Variants in POLQ observed in about 807,000 individuals in gnomAD.
The protein encoded by POLQ is epididymis secretory sperm binding protein.
A neutral mutation model predicts 259.2 loss-of-function variants in POLQ; 233 were observed. That is an observed-to-expected ratio of 0.90 (90% confidence interval 0.81 to 1.00). The LOEUF (loss-of-function observed/expected upper bound fraction) is 1.00. Ranked by LOEUF, POLQ falls within the 50% of genes least tolerant of loss-of-function variation. The pLI, the probability that POLQ is intolerant of heterozygous loss-of-function variation, is 0.00. For missense variants in POLQ, 2,871 were observed against 3,051.6 expected, an observed-to-expected ratio of 0.94 and a Z score of 1.39; for synonymous variants, 1,025 against 1,048.8, an observed-to-expected ratio of 0.98 and a Z score of 0.44.
At chr3:121,519,784 G>A (rs1412459940) in intron 9 of POLQ, 87 bp downstream of exon 9, 1 of 756,140 alleles carries the variant, frequency 1.3e-6, no homozygotes, top group Non-Finnish European at 2.4e-6. Flanking sequence ...ACAGCATGAT[G>A]AGAAACAGGT....
rs189888176 is a variant in POLQ at position 121,448,029 on chromosome 3, C to A, written c.7264+1286G>T. Among the ~76,000 whole-genome samples, 28 of 152,242 alleles carry A rather than the reference C, an allele frequency of 1.8e-4. No individual in the cohort carries two copies. In the East Asian group the frequency reaches 4.8e-3, roughly 26 times the overall value. On this transcript the variant is annotated intron_variant, in intron 26 of 29. Coordinates refer to ENST00000264233, the MANE Select transcript of POLQ (RefSeq NM_199420.4). ...TCTTTGGGTTAAATCTGTTCTATAA[C>A]TTTCTTTTACTTGAATATTGATATC... is the stretch of plus-strand genomic sequence containing the variant.
intron 26 of POLQ, among the ~76,000 whole-genome samples, chr3:121,443,700 A>G (rs928276213): frequency 7.9e-5 from 12 of 151,862 alleles, no homozygotes; most frequent in Admixed American, 7.9e-4. Context: ...AGTTTCCCCC[A>G]TGTTTTCTTG....
At chr3:121,540,838 C>T (rs777643856) in intron 3 of POLQ, among the ~76,000 whole-genome samples, 2 of 151,980 alleles carry the variant, frequency 1.3e-5, no homozygotes, top group Non-Finnish European at 2.9e-5. Flanking sequence ...GATTTGATGG[C>T]CCCTTCTCCT....
chr3:121,485,480 C>T (rs1006128104), intron 16 of POLQ, among the ~76,000 whole-genome samples: 3 of 152,140 alleles, frequency 2.0e-5, no homozygotes, highest in Non-Finnish European at 4.4e-5. Context: ...AAATACAGAT[C>T]ATTTGCATAC....
intron 16 of POLQ, among the ~76,000 whole-genome samples, chr3:121,486,737 C>T (rs2048014650): frequency 6.6e-6 from 1 of 151,796 alleles, no homozygotes; most frequent in South Asian, 2.1e-4. Flanking sequence ...GGTGCACATG[C>T]CTGTACTTCT....
intron 24 of POLQ, among the ~76,000 whole-genome samples, chr3:121,463,018 T>C (rs1286592857): frequency 2.6e-5 from 4 of 152,246 alleles, no homozygotes; most frequent in Admixed American, 1.3e-4. Flanking sequence ...ATTGTGGCTT[T>C]GTAGAATGCA....
rs1321971093 is a variant in POLQ, at chr3:121,467,598, C to G, written c.6888G>C (p.Gln2296His). Residue 2296 changes from glutamine to histidine, a missense_variant, in exon 24 of 30, where the codon CAG becomes CAC. Physicochemically the swap from Gln to His is conservative, Grantham distance 24. Coordinates refer to ENST00000264233, the MANE Select transcript of POLQ (RefSeq NM_199420.4). The stretch of plus-strand genomic sequence containing the variant: ...CTGCAGCTCTCTCCTCCATCTGTGC[C>G]TGGCATCTAGGATTCACGCTGAAAC... ...KKGFSVNPRC[Q>H]AQMEERAADR... The G allele has an allele frequency of 1.1e-5, 17 of 1,613,760 alleles. No homozygotes were observed. The highest frequency in any genetic ancestry group is 1.1e-5 in the Non-Finnish European group (13 of 1,179,780).
intron 15 of POLQ, among the ~76,000 whole-genome samples, chr3:121,491,691 C>T (rs370823258): frequency 1.2e-3 from 181 of 152,222 alleles, no homozygotes; most frequent in African/African-American, 2.0e-3. Flanking sequence ...AGGAACAACT[C>T]GTAATTCTTC....
In POLQ at chr3:121,481,885, G is replaced by GA; in HGVS notation, c.5971-74dup. 2.2e-6 allele frequency: 3 copies of GA among 1,346,286 alleles called. No individual in the cohort carries two copies. In the South Asian group the frequency reaches 4.4e-5, roughly 20 times the overall value. The allele number at this position is 1,346,286 out of a possible 1,614,324, so 83.4% of individuals were successfully genotyped here. Reference sequence around the variant, plus strand: ...ACTTATGTACCTCTAAATGAAAAGGGAAAAAAACAAAGCTCATTTCTAACC... The same window carrying GA: ...ACTTATGTACCTCTAAATGAAAAGGGAAAAAAAACAAAGCTCATTTCTAACC... On this transcript the variant is annotated intron_variant, in intron 18 of 29. Coordinates refer to ENST00000264233, the MANE Select transcript of POLQ (RefSeq NM_199420.4).
chr3:121,518,338 T>C, intron 9 of POLQ, among the ~76,000 whole-genome samples: 1 of 152,038 alleles, frequency 6.6e-6, no homozygotes, highest in Non-Finnish European at 1.5e-5. Context: ...AATCACCAAC[T>C]AAAAGCACAA....
chr3:121,508,277 G>A (rs2048226282), intron 12 of POLQ, among the ~76,000 whole-genome samples: 1 of 152,172 alleles, frequency 6.6e-6, no homozygotes, highest in African/African-American at 2.4e-5. Context: ...GAGGGAACAG[G>A]AGTAGGAGTA....
intron 12 of POLQ, among the ~76,000 whole-genome samples, chr3:121,505,799 A>G (rs149810793): frequency 0.013 from 2,010 of 150,944 alleles, 52 homozygotes; most frequent in African/African-American, 0.046. Context: ...ACCTGAGGTT[A>G]GAAGTTCAAG....
intron 4 of POLQ, 113 bp downstream of exon 4, chr3:121,539,320 G>T: frequency 1.3e-6 from 1 of 777,882 alleles, no homozygotes; most frequent in Non-Finnish European, 2.1e-6. Context: ...GCCTCCAGAA[G>T]TAGATAATAG....
intron 25 of POLQ, among the ~76,000 whole-genome samples, chr3:121,453,499 T>G (rs557079811): frequency 6.6e-6 from 1 of 152,094 alleles, no homozygotes; most frequent in Admixed American, 6.5e-5. Context: ...AGAATAAAAT[T>G]TAGACAAATG....
intron 7 of POLQ, among the ~76,000 whole-genome samples, chr3:121,529,443 G>C (rs1248263945): frequency 6.6e-6 from 1 of 152,176 alleles, no homozygotes; most frequent in Non-Finnish European, 1.5e-5. Flanking sequence ...ATTAGTCTAA[G>C]CATGTGTGTG....
chr3:121,440,308 A>T (rs1463728013), intron 26 of POLQ, among the ~76,000 whole-genome samples, 192 bp from the exon 27 acceptor site: 1 of 152,180 alleles, frequency 6.6e-6, no homozygotes, highest in African/African-American at 2.4e-5. Context: ...AAGAGACTTT[A>T]GAAATGAAAT....
rs558799407 is a variant in POLQ, at chr3:121,498,319, AAAAAAAAAGAAAATG to A, written c.2153+143_2153+157del. ...GAACAAAACTCCATTTCAAAATTAA[AAAAAAAAAGAAAATG>A]AAAAAAAAGAAAACTGAAAAATCTT... On this transcript the variant is annotated intron_variant, in intron 13 of 29. Coordinates refer to ENST00000264233, the MANE Select transcript of POLQ (RefSeq NM_199420.4). Among the ~76,000 whole-genome samples, 753 of 152,154 alleles carry A rather than the reference AAAAAAAAAGAAAATG, an allele frequency of 4.9e-3. 7 individuals carry two copies. Among genetic ancestry groups the A allele is most frequent in the African/African-American group, 0.017 (704 of 41,500 alleles).
Position 121,488,729 on chromosome 3 carries a change from C to G in POLQ, c.4202G>C (p.Ser1401Thr). 1 of 1,614,070 alleles carries G rather than the reference C, an allele frequency of 6.2e-7. No individual in the cohort carries two copies. Among genetic ancestry groups the G allele is most frequent in the South Asian group, 1.1e-5 (1 of 91,070 alleles). Residue 1401 changes from serine to threonine, a missense_variant, in exon 16 of 30, where the codon AGC becomes ACC. Ser to Thr is a moderately conservative substitution (Grantham distance 58). Transcript: ENST00000264233. The part of the protein sequence containing the change: ...DLKTVGTMKQ[S>T]SDSHGVDILT... ...GATATCAACCCCATGTGAATCACTG[C>G]TTTGTTTCATAGTACCTACAGTCTT...
At chr3:121,432,649 C>A (rs893462666) in intron 29 of POLQ, among the ~76,000 whole-genome samples, 1 of 152,238 alleles carries the variant, frequency 6.6e-6, no homozygotes, top group African/African-American at 2.4e-5. Flanking sequence ...ATGCTTGGAG[C>A]TTAGAAACCC....
Sources: allele counts gnomAD v4.1 joint callset (sites outside exome capture counted in the v4.1 genomes callset), GRCh38; gene constraint gnomAD v4.1.1; transcripts MANE v1.5; gene names NCBI Gene and HGNC (gene_info 2026-07-23, HGNC 2026-07-21).